Variants in TRPM3 observed in about 807,000 individuals in gnomAD.
TRPM3 encodes long transient receptor potential channel 3.
TRPM3 carries 77 observed loss-of-function variants against 181.2 expected under a neutral mutation model. The observed-to-expected ratio is 0.42, with a 90% CI of 0.35 to 0.51. TRPM3 has a LOEUF of 0.51. Ranked by LOEUF, TRPM3 falls within the 20% of genes least tolerant of loss-of-function variation. The pLI is 0.01. For missense variants in TRPM3, 1,759 were observed against 2,196.7 expected, an observed-to-expected ratio of 0.80 and a Z score of 3.98; for synonymous variants, 745 against 796.4, an observed-to-expected ratio of 0.94 and a Z score of 1.09.
chr9:70,952,484 C>G (rs141598476), intron 1 of TRPM3, among the ~76,000 whole-genome samples: 1 of 152,274 alleles, frequency 6.6e-6, no homozygotes, highest in Admixed American at 6.5e-5. Context: ...TACCAACATA[C>G]TTACTTGTTT....
intron 1 of TRPM3, among the ~76,000 whole-genome samples, chr9:70,995,125 C>A (rs1218475612): frequency 6.6e-6 from 1 of 152,142 alleles, no homozygotes; most frequent in Non-Finnish European, 1.5e-5. Flanking sequence ...CATGTAATCT[C>A]ATCAGCATTT....
chr9:71,296,898 C>T (rs1398844262), intron 1 of TRPM3, among the ~76,000 whole-genome samples: 3 of 151,366 alleles, frequency 2.0e-5, no homozygotes, highest in Non-Finnish European at 4.4e-5. Flanking sequence ...AGGGTAATGC[C>T]ATTATTGAAC....
intron 1 of TRPM3, among the ~76,000 whole-genome samples, chr9:71,072,954 A>C (rs1457172190): frequency 6.6e-6 from 1 of 152,212 alleles, no homozygotes; most frequent in Non-Finnish European, 1.5e-5. Context: ...GTAAAAAAGA[A>C]GGGCTGAAGA....
At chr9:71,404,114 C>A (rs2093391841) in intron 1 of TRPM3, among the ~76,000 whole-genome samples, 1 of 152,114 alleles carries the variant, frequency 6.6e-6, no homozygotes, top group Non-Finnish European at 1.5e-5. Flanking sequence ...CAGCGCCTGG[C>A]CATCTTTATA....
At chr9:70,831,206 G>A (rs926081191) in intron 5 of TRPM3, among the ~76,000 whole-genome samples, 1 of 152,074 alleles carries the variant, frequency 6.6e-6, no homozygotes, top group Non-Finnish European at 1.5e-5. Flanking sequence ...AAACGTACCA[G>A]CAATCTATTT....
chr9:71,396,833 G>C (rs966215523), intron 1 of TRPM3, among the ~76,000 whole-genome samples: 2 of 151,898 alleles, frequency 1.3e-5, no homozygotes, highest in African/African-American at 4.8e-5. Context: ...AGGCATGGTG[G>C]CACGTGCCTG....
intron 1 of TRPM3, among the ~76,000 whole-genome samples, chr9:71,298,925 A>G (rs1427501878): frequency 1.3e-5 from 2 of 152,238 alleles, no homozygotes; most frequent in African/African-American, 2.4e-5. Flanking sequence ...TTCCTAGATA[A>G]GAGAATCAAC....
Position 71,075,857 on chromosome 9 carries a change from T to C in TRPM3, c.177+45321A>G, listed in dbSNP as rs565463793. Among the ~76,000 whole-genome samples the C allele has an allele frequency of 5.9e-5, 9 of 152,230 alleles. No individual in the cohort carries two copies. In the South Asian group the frequency reaches 1.9e-3, roughly 32 times the overall value. On this transcript the variant is annotated intron_variant, in intron 1 of 25. Transcript: ENST00000677713. ...AATTGTAATGTTCATGTCAACGGAG[T>C]GCATTAAGAGTAAATATTAGCTAGA... is the stretch of plus-strand genomic sequence containing the variant.
chr9:71,052,596 C>G (rs1591004410), intron 1 of TRPM3, among the ~76,000 whole-genome samples: 1 of 152,184 alleles, frequency 6.6e-6, no homozygotes, highest in East Asian at 1.9e-4. Context: ...TTGCAAACAC[C>G]TTATAATCAT....
intron 1 of TRPM3, among the ~76,000 whole-genome samples, chr9:71,139,139 A>T (rs1398844411): frequency 6.6e-6 from 1 of 152,144 alleles, no homozygotes; most frequent in Non-Finnish European, 1.5e-5. Flanking sequence ...TTATCTTTCC[A>T]AATTGCTGTC....
chr9:70,756,021 C>G (rs2077020708), intron 8 of TRPM3, among the ~76,000 whole-genome samples: 1 of 151,892 alleles, frequency 6.6e-6, no homozygotes, highest in African/African-American at 2.4e-5. Flanking sequence ...TTAAAAGACA[C>G]AAACTTTGAG....
At chr9:70,998,533 T>C (rs1037663587) in intron 1 of TRPM3, among the ~76,000 whole-genome samples, 1 of 152,144 alleles carries the variant, frequency 6.6e-6, no homozygotes, top group African/African-American at 2.4e-5. Flanking sequence ...ATAGGGTTCA[T>C]TGGTGGTGGT....
chr9:70,563,533 A>G (rs1273610638), intron 22 of TRPM3, among the ~76,000 whole-genome samples: 1 of 152,164 alleles, frequency 6.6e-6, no homozygotes, highest in East Asian at 1.9e-4. Context: ...AGATTCCACC[A>G]TTGACCAAGA....
At position 70,530,071 on chromosome 9, in the gene TRPM3, G is replaced by A. The variant is rs112165240; in HGVS notation, c.*5882C>T. The A allele has an allele frequency of 6.6e-6, 1 of 152,362 alleles. No individual in the cohort carries two copies. Among genetic ancestry groups the A allele is most frequent in the African/African-American group, 2.4e-5 (1 of 41,538 alleles). The allele number at this position is 152,362 out of a possible 1,614,324, so 9.4% of individuals were successfully genotyped here. A position where few individuals can be genotyped will look rare whatever the true frequency, so the allele number is the denominator to read the frequency against. On this transcript the variant is annotated 3_prime_UTR_variant, in exon 26 of 26. Coordinates refer to ENST00000677713, the MANE Select transcript of TRPM3 (RefSeq NM_001366145.2). ...GTGTAGGACTCTTGAGATTTAGAGA[G>A]GCAAAAATTGGACGAGGTCAATGTG...
chr9:70,654,817 G>A lies in TRPM3; in HGVS notation c.1346-14157C>T, dbSNP rs2060066610. Among the ~76,000 whole-genome samples the A allele has an allele frequency of 2.0e-5, 3 of 151,578 alleles. No homozygotes were observed. The South Asian group carries it at 6.3e-4, about 32-fold the overall frequency. ...CCTGCCTCAGCCTCCTGAGTAGCTGGAACTATAGGCACCTGCACCACGCCT... is the reference window on the plus strand; with the variant it reads ...CCTGCCTCAGCCTCCTGAGTAGCTGAAACTATAGGCACCTGCACCACGCCT... On this transcript the variant is annotated intron_variant, in intron 9 of 25. Transcript: ENST00000677713.
intron 1 of TRPM3, among the ~76,000 whole-genome samples, chr9:71,127,386 C>T (rs1048715919): frequency 1.3e-5 from 2 of 151,504 alleles, no homozygotes; most frequent in Admixed American, 6.6e-5. Flanking sequence ...CGGGTAGTGA[C>T]GGGCTAATGG....
chr9:71,401,197 C>CAAAAAAAAAAAAAAAAAA (rs59425467), intron 1 of TRPM3, among the ~76,000 whole-genome samples: 11 of 105,768 alleles, frequency 1.0e-4, no homozygotes, highest in Non-Finnish European at 1.8e-4. Context: ...GACACCATCG[C>CAAAAAAAAAAAAAAAAAA]AAAAAAAAAA....
chr9:71,005,717 C>G (rs2097666428), intron 1 of TRPM3, among the ~76,000 whole-genome samples: 1 of 151,962 alleles, frequency 6.6e-6, no homozygotes, highest in Non-Finnish European at 1.5e-5. Flanking sequence ...GTTTCCCAGA[C>G]AAACAAAAGC....
intron 1 of TRPM3, among the ~76,000 whole-genome samples, chr9:71,269,307 C>T (rs918150255): frequency 6.6e-6 from 1 of 152,140 alleles, no homozygotes; most frequent in African/African-American, 2.4e-5. Flanking sequence ...ATTTTGCACA[C>T]GACTGGGATT....
Sources: gnomAD v4.1 joint callset for allele counts (sites outside exome capture counted in the v4.1 genomes callset) on GRCh38, gnomAD v4.1.1 for gene constraint, MANE v1.5 for transcripts, NCBI Gene and HGNC (gene_info 2026-07-23, HGNC 2026-07-21) for gene names.